Variants in REC114 observed in about 807,000 individuals in gnomAD.
REC114 encodes meiotic recombination protein REC114.
A neutral mutation model predicts 31.3 loss-of-function variants in REC114; 27 were observed. The observed-to-expected ratio is 0.86, with a 90% CI of 0.64 to 1.19. The LOEUF is 1.19. REC114 is among the 50% of genes most tolerant of loss of function. The probability of loss-of-function intolerance (pLI) is 0.00; values close to 1 mark genes in which losing one functional copy is unlikely to be tolerated. For missense variants in REC114, 344 were observed against 326.9 expected (o/e 1.05, Z -0.40); for synonymous variants, 134 against 127.7 (o/e 1.05, Z -0.33).
At chr15:73,448,938 G>T (rs1302246539) in intron 1 of REC114, among the ~76,000 whole-genome samples, 1 of 152,096 alleles carries the variant, frequency 6.6e-6, no homozygotes, top group Non-Finnish European at 1.5e-5. Flanking sequence ...AAACAGAAAG[G>T]AATAGTATCA....
chr15:73,556,014 C>G (rs1894461398), intron 4 of REC114, among the ~76,000 whole-genome samples: 1 of 152,176 alleles, frequency 6.6e-6, no homozygotes, highest in Non-Finnish European at 1.5e-5. Context: ...CCTCTAACAA[C>G]AGAGGAATGC....
intron 3 of REC114, among the ~76,000 whole-genome samples, chr15:73,545,352 A>C (rs1894294698): frequency 6.6e-6 from 1 of 152,156 alleles, no homozygotes; most frequent in Non-Finnish European, 1.5e-5. Context: ...GCTCTTTCTG[A>C]CTTTTAATTA....
chr15:73,448,890 T>C (rs1055884215), intron 1 of REC114, among the ~76,000 whole-genome samples: 1 of 152,016 alleles, frequency 6.6e-6, no homozygotes, highest in African/African-American at 2.4e-5. Flanking sequence ...CCAGCAGACC[T>C]GCAGAAGAGG....
chr15:73,458,916 A>G (rs1892953023), intron 1 of REC114, among the ~76,000 whole-genome samples: 1 of 152,192 alleles, frequency 6.6e-6, no homozygotes, highest in African/African-American at 2.4e-5. Context: ...GGAAAAATGG[A>G]TATTGGAGGG....
chr15:73,498,916 C>T (rs1278000874), intron 2 of REC114, among the ~76,000 whole-genome samples: 1 of 152,120 alleles, frequency 6.6e-6, no homozygotes, highest in East Asian at 1.9e-4. Context: ...GTAAAATCCT[C>T]TTAGACATTA....
chr15:73,532,934 C>T (rs2141325780), intron 2 of REC114, among the ~76,000 whole-genome samples: 1 of 142,232 alleles, frequency 7.0e-6, no homozygotes, highest in Non-Finnish European at 1.5e-5. Flanking sequence ...TCCAGCCAAA[C>T]TAAGCTTCAT....
At chr15:73,557,403 T>C (rs1299092850) in intron 5 of REC114, among the ~76,000 whole-genome samples, 4 of 141,568 alleles carry the variant, frequency 2.8e-5, no homozygotes, top group Admixed American at 7.3e-5. Context: ...TAAACTGTAC[T>C]ATCAGTAGTT....
intron 2 of REC114, among the ~76,000 whole-genome samples, chr15:73,506,977 T>C (rs1893687178): frequency 6.6e-6 from 1 of 152,112 alleles, no homozygotes; most frequent in South Asian, 2.1e-4. Flanking sequence ...TTAAATAAGA[T>C]AGAAATGCTC....
chr15:73,532,585 G>C lies in REC114; in HGVS notation c.250-7900G>C, dbSNP rs552489546. Among the ~76,000 whole-genome samples the C allele has an allele frequency of 4.5e-3, 683 of 151,882 alleles. 8 individuals are homozygous for C. Among genetic ancestry groups the C allele is most frequent in the African/African-American group, 0.016 (660 of 41,362 alleles). On this transcript the variant is annotated intron_variant, in intron 2 of 5. Coordinates refer to ENST00000331090, the MANE Select transcript of REC114 (RefSeq NM_001042367.2). Reference sequence around the variant, plus strand: ...ACTGACTTCCACAATGGTTGAACTAGTTTACAGTCCCACCAACAGTGTAAA... The same window carrying C: ...ACTGACTTCCACAATGGTTGAACTACTTTACAGTCCCACCAACAGTGTAAA...
chr15:73,474,168 T>G (rs1304716485), intron 2 of REC114, among the ~76,000 whole-genome samples: 2 of 152,182 alleles, frequency 1.3e-5, no homozygotes, highest in African/African-American at 4.8e-5. Flanking sequence ...ACCAGTATGA[T>G]AAAGGATTCT....
At chr15:73,463,440 C>G (rs1893016728) in intron 1 of REC114, among the ~76,000 whole-genome samples, 1 of 152,078 alleles carries the variant, frequency 6.6e-6, no homozygotes, top group Admixed American at 6.6e-5. Context: ...GAAAAACATC[C>G]CCTTATCTAT....
At chr15:73,535,551 C>T (rs1163588738) in intron 2 of REC114, among the ~76,000 whole-genome samples, 1 of 149,258 alleles carries the variant, frequency 6.7e-6, no homozygotes, top group Non-Finnish European at 1.5e-5. Flanking sequence ...GAAGAACATT[C>T]CATGCTCATG....
chr15:73,458,830 C>A (rs1892951989), intron 1 of REC114, among the ~76,000 whole-genome samples: 1 of 152,182 alleles, frequency 6.6e-6, no homozygotes, highest in Non-Finnish European at 1.5e-5. Flanking sequence ...GCACGGGCAG[C>A]TGGTATATAT....
intron 2 of REC114, among the ~76,000 whole-genome samples, chr15:73,508,739 C>A (rs1893719406): frequency 6.7e-6 from 1 of 150,296 alleles, no homozygotes; most frequent in African/African-American, 2.5e-5. Flanking sequence ...ATGATGATTT[C>A]CAATTTCATC....
intron 2 of REC114, among the ~76,000 whole-genome samples, chr15:73,529,867 T>A (rs1171376834): frequency 6.6e-6 from 1 of 152,192 alleles, no homozygotes; most frequent in African/African-American, 2.4e-5. Flanking sequence ...GTAGTGTCAG[T>A]TATAGGACAT....
At chr15:73,548,470 G>A (rs563881607) in intron 3 of REC114, among the ~76,000 whole-genome samples, 1 of 152,254 alleles carries the variant, frequency 6.6e-6, no homozygotes, top group Admixed American at 6.5e-5. Context: ...AAAAAGCTCA[G>A]TATTACTGAT....
chr15:73,465,292 T>C (rs1470097109), intron 1 of REC114, among the ~76,000 whole-genome samples: 3 of 152,222 alleles, frequency 2.0e-5, no homozygotes, highest in Admixed American at 2.0e-4. Flanking sequence ...CCATTTTTTC[T>C]TGAACCCCTT....
chr15:73,529,588 G>A (rs532590983), intron 2 of REC114, among the ~76,000 whole-genome samples: 6 of 152,164 alleles, frequency 3.9e-5, no homozygotes, highest in East Asian at 1.9e-4. Context: ...AGATGGGTGC[G>A]TAGTGTGATG....
At chr15:73,495,188 A>G (rs183860085) in intron 2 of REC114, among the ~76,000 whole-genome samples, 20 of 152,276 alleles carry the variant, frequency 1.3e-4, no homozygotes, top group Admixed American at 1.1e-3. Context: ...ACTACTCACA[A>G]AGAGTAATTT....
Sources: allele counts gnomAD v4.1 joint callset (sites outside exome capture counted in the v4.1 genomes callset), GRCh38; gene constraint gnomAD v4.1.1; transcripts MANE v1.5; gene names NCBI Gene and HGNC (gene_info 2026-07-23, HGNC 2026-07-21).